OSBPL7: variants seen among roughly 807,000 people sequenced by gnomAD.
OSBPL7 encodes the protein oxysterol binding protein like 7.
A neutral mutation model predicts 115.8 loss-of-function variants in OSBPL7; 66 were observed. The observed-to-expected ratio is 0.57, with a 90% CI of 0.47 to 0.70. OSBPL7 has a LOEUF of 0.70. Ranked by LOEUF, OSBPL7 falls within the 30% of genes least tolerant of loss-of-function variation. The pLI is 0.00. For missense variants in OSBPL7, 902 were observed against 1,125.5 expected, an observed-to-expected ratio of 0.80 and a Z score of 2.84; for synonymous variants, 441 against 439.2, an observed-to-expected ratio of 1.00 and a Z score of -0.05.
chr17:47,818,756 G>T, intron 5 of OSBPL7, 140 bp from the exon 6 acceptor site: 1 of 852,010 alleles, frequency 1.2e-6, no homozygotes, highest in Non-Finnish European at 1.8e-6. Flanking sequence ...CTTGCAGGGA[G>T]ACAGAGCGCA....
In OSBPL7 at chr17:47,819,048, A is replaced by T; in HGVS notation, c.307T>A (p.Ser103Thr). 6.2e-7 allele frequency: 1 copy of T among 1,614,028 alleles called. No individual in the cohort carries two copies. The highest frequency in any genetic ancestry group is 2.2e-5 in the East Asian group (1 of 44,874). ...GSIDVRLSVM[S>T]INKKAQRIDL... ...ATGCGCTGGGCCTTTTTGTTGATGGACATGACCGACAGCCGGACATCGATG... is the reference window on the plus strand; with the variant it reads ...ATGCGCTGGGCCTTTTTGTTGATGGTCATGACCGACAGCCGGACATCGATG... The change falls in exon 5 of 23, where the codon TCC (serine) becomes ACC (threonine). Residue 103 changes from serine to threonine, a missense_variant. By Grantham distance (58) the Ser-to-Thr change is moderately conservative (BLOSUM62 1). Transcript: ENST00000007414.
In OSBPL7 at chr17:47,813,714, A is replaced by G; in HGVS notation, c.1472T>C (p.Leu491Pro). Residue 491 changes from leucine (L) to proline (P), a missense_variant, in exon 15 of 23, where the codon CTG becomes CCG. By Grantham distance (98) the Leu-to-Pro change is moderately conservative. This residue lies in a region of OSBPL7 where 667 missense variants were observed against 788.7 expected (regional missense o/e 0.85). Coordinates refer to ENST00000007414, the MANE Select transcript of OSBPL7 (RefSeq NM_145798.3). ...NILRNNIGKD[L>P]SKVSMPVQLN... Reference sequence around the variant, plus strand: ...CTGCACAGGCATTGACACCTTGGACAGGTCTTTGCCGATGTTGTTGCGCAG... The same window carrying G: ...CTGCACAGGCATTGACACCTTGGACGGGTCTTTGCCGATGTTGTTGCGCAG... The G allele has an allele frequency of 6.2e-7, 1 of 1,613,488 alleles. No individual in the cohort carries two copies. Among genetic ancestry groups the G allele is most frequent in the Non-Finnish European group, 8.5e-7 (1 of 1,180,012 alleles).
chr17:47,810,627 A>G lies in OSBPL7; in HGVS notation c.1847T>C (p.Val616Ala). Residue 616 changes from valine to alanine, a missense_variant, in exon 18 of 23, where the codon GTG becomes GCG. Val to Ala is a moderately conservative substitution (Grantham distance 64). This residue lies in a region of OSBPL7 where 230 missense variants were observed against 312.7 expected (regional missense o/e 0.74). Transcript: ENST00000007414. Reference protein sequence around the residue: ...NKFWGKSLEIVPVGTVNVSLP... With the variant: ...NKFWGKSLEIAPVGTVNVSLP... ...GCTGACGTTGACTGTTCCCACAGGC[A>G]CAATCTCCAGGGATTTGCCCCAGAA... 6.2e-7 allele frequency: 1 copy of G among 1,614,186 alleles called. No homozygotes were observed. Among genetic ancestry groups the G allele is most frequent in the Non-Finnish European group, 8.5e-7 (1 of 1,180,034 alleles).
At chr17:47,817,443 G>C in intron 7 of OSBPL7, 84 bp from the exon 8 acceptor site, 1 of 934,416 alleles carries the variant, frequency 1.1e-6, no homozygotes, top group Non-Finnish European at 1.6e-6. Flanking sequence ...AGGCTAGAGT[G>C]GAATGGCGTG....
chr17:47,818,246 G>A (rs773685087), intron 7 of OSBPL7, 23 bp downstream of exon 7: 44 of 1,596,448 alleles, frequency 2.8e-5, no homozygotes, highest in Middle Eastern at 3.7e-4. Flanking sequence ...ACCCTTGGAG[G>A]TGCTGCGCCT....
At chr17:47,810,464 G>T in intron 18 of OSBPL7, 130 bp downstream of exon 18, 1 of 723,278 alleles carries the variant, frequency 1.4e-6, no homozygotes, top group South Asian at 1.6e-5. Flanking sequence ...TACAGACACT[G>T]ACGCCACTGC....
intron 18 of OSBPL7, 26 bp from the exon 19 acceptor site, chr17:47,809,504 C>T (rs918982622): frequency 7.5e-6 from 12 of 1,597,146 alleles, no homozygotes; most frequent in Non-Finnish European, 1.0e-5. Context: ...TATGGAAGGG[C>T]AGCTGGCTGG....
In OSBPL7 at chr17:47,810,590, C is replaced by T. The variant is rs760459456; in HGVS notation, c.1880+4G>A. On this transcript the variant is annotated splice_donor_region_variant and intron_variant, in intron 18 of 22. Transcript: ENST00000007414. ...CCTGGCTGCTGAGAGTCTAAGAATC[C>T]CACCTGGGCAGGCTGACGTTGACTG... is the stretch of plus-strand genomic sequence containing the variant. 34 of 1,613,494 alleles carry T rather than the reference C, an allele frequency of 2.1e-5. No homozygotes were observed. Among genetic ancestry groups the T allele is most frequent in the Middle Eastern group, 1.6e-4 (1 of 6,082 alleles).
In OSBPL7 at chr17:47,814,508, A is replaced by G; in HGVS notation, c.1351+13T>C. 2.8e-6 allele frequency: 1 copy of G among 355,290 alleles called. No individual in the cohort carries two copies. Among genetic ancestry groups the G allele is most frequent in the Non-Finnish European group, 5.2e-6 (1 of 194,126 alleles). The allele number at this position is 355,290 out of a possible 1,614,324, so 22.0% of individuals were successfully genotyped here. On this transcript the variant is annotated intron_variant, in intron 14 of 22. Transcript: ENST00000007414. ...GCCTCCCACCCCTCCCTGCCTGCCC[A>G]CCCAGCTGGCACCTTTCTGACAGCG...
rs2032953132 is a variant in OSBPL7 at position 47,809,164 on chromosome 17, A to G, written c.2082T>C (p.Ser694=). Reference sequence around the variant, plus strand: ...CAAAGAGTCGGTGGAGGACACGGCCACTCCGACTGAGCACAGCGCCCTGCA... The same window carrying G: ...CAAAGAGTCGGTGGAGGACACGGCCGCTCCGACTGAGCACAGCGCCCTGCA... ...HEVQGAVLSR[S]GRVLHRLFGK... Residue 694 remains serine (S), a synonymous_variant, in exon 20 of 23, where the codon AGT becomes AGC. Coordinates refer to ENST00000007414, the MANE Select transcript of OSBPL7 (RefSeq NM_145798.3). 4 of 1,613,890 alleles carry G rather than the reference A, an allele frequency of 2.5e-6. No homozygotes were observed. The highest frequency in any genetic ancestry group is 1.1e-5 in the South Asian group (1 of 91,064).
intron 20 of OSBPL7, 34 bp downstream of exon 20, chr17:47,809,042 G>T (rs2032947541): frequency 1.2e-6 from 2 of 1,613,724 alleles, no homozygotes; most frequent in Non-Finnish European, 8.5e-7. Context: ...AGCTGCTCCA[G>T]CCTCACCCAG....
intron 7 of OSBPL7, 22 bp from the exon 8 acceptor site, chr17:47,817,381 A>C (rs2033258303): frequency 3.9e-6 from 6 of 1,532,548 alleles, no homozygotes; most frequent in Non-Finnish European, 5.4e-6. Context: ...AAGAACAAGA[A>C]CAAGAACACC....
chr17:47,820,191 C>A lies in OSBPL7; in HGVS notation c.75+13G>T. ...AGCTTGGCCCACCCACCACCGCTTT[C>A]CCACTCTCTGACCTGCTGAGCACTG... On this transcript the variant is annotated intron_variant, in intron 2 of 22. Transcript: ENST00000007414. The A allele has an allele frequency of 6.2e-7, 1 of 1,613,958 alleles. No homozygotes were observed. The highest frequency in any genetic ancestry group is 8.5e-7 in the Non-Finnish European group (1 of 1,179,954).
intron 18 of OSBPL7, among the ~76,000 whole-genome samples, chr17:47,810,111 A>G (rs1010211119): frequency 6.6e-6 from 1 of 151,428 alleles, no homozygotes; most frequent in Non-Finnish European, 1.5e-5. Context: ...ATGGCTTCTG[A>G]CTCCAAAATC....
intron 16 of OSBPL7, 26 bp downstream of exon 16, chr17:47,813,240 C>G (rs1219526983): frequency 6.2e-7 from 1 of 1,612,716 alleles, no homozygotes; most frequent in Non-Finnish European, 8.5e-7. Context: ...ACACCCAAGG[C>G]CAGCCCTCTT....
chr17:47,810,629 A>G lies in OSBPL7; in HGVS notation c.1845T>C (p.Ile615=), dbSNP rs752135128. 6 of 1,614,184 alleles carry G rather than the reference A, an allele frequency of 3.7e-6. No individual in the cohort carries two copies. The highest frequency in any genetic ancestry group is 5.1e-6 in the Non-Finnish European group (6 of 1,180,024). ...KNKFWGKSLE[I]VPVGTVNVSL... Reference sequence around the variant, plus strand: ...TGACGTTGACTGTTCCCACAGGCACAATCTCCAGGGATTTGCCCCAGAACT... The same window carrying G: ...TGACGTTGACTGTTCCCACAGGCACGATCTCCAGGGATTTGCCCCAGAACT... Residue 615 remains isoleucine (I), a synonymous_variant, in exon 18 of 23, where the codon ATT becomes ATC. Transcript: ENST00000007414.
intron 14 of OSBPL7, 49 bp downstream of exon 14, chr17:47,814,472 T>C (rs774169663): frequency 6.6e-7 from 1 of 1,512,908 alleles, no homozygotes; most frequent in Admixed American, 1.7e-5. Flanking sequence ...ACAAACCCTG[T>C]TTTTCCACCC....
intron 18 of OSBPL7, 31 bp from the exon 19 acceptor site, chr17:47,809,509 G>A: frequency 6.3e-7 from 1 of 1,595,520 alleles, no homozygotes; most frequent in South Asian, 1.1e-5. Context: ...AAGGGCAGCT[G>A]GCTGGCCCCA....
In OSBPL7 at chr17:47,808,475, C is replaced by T. The variant is rs1194687352; in HGVS notation, c.2420+63G>A. 1 of 1,613,850 alleles carries T rather than the reference C, an allele frequency of 6.2e-7. No individual in the cohort carries two copies. Among genetic ancestry groups the T allele is most frequent in the Admixed American group, 1.7e-5 (1 of 60,000 alleles). On this transcript the variant is annotated intron_variant, in intron 22 of 22. Transcript: ENST00000007414. This position sits in a 1 kb window ranked among gnomAD's most constrained non-coding sequence, Gnocchi z 6.1. ...TAGGGTCCTAAGGTGCTGCCTCCCACACCTGCCCTGCTCCAAGCAGGGCTC... is the reference window on the plus strand; with the variant it reads ...TAGGGTCCTAAGGTGCTGCCTCCCATACCTGCCCTGCTCCAAGCAGGGCTC...
Sources: gnomAD v4.1 joint callset for allele counts (sites outside exome capture counted in the v4.1 genomes callset) on GRCh38, gnomAD v4.1.1 for gene constraint, gnomAD v4.1.1 regional missense constraint, Gnocchi (gnomAD v3.1) non-coding constraint, MANE v1.5 for transcripts, NCBI Gene and HGNC (gene_info 2026-07-23, HGNC 2026-07-21) for gene names.